ABL1: variants seen among roughly 807,000 people sequenced by gnomAD.
ABL1 encodes the protein ABL proto-oncogene 1, non-receptor tyrosine kinase.
A neutral mutation model predicts 94.7 loss-of-function variants in ABL1; 11 were observed. That is an observed-to-expected ratio of 0.12 (90% confidence interval 0.07 to 0.19). The LOEUF (loss-of-function observed/expected upper bound fraction) is 0.19, where lower values mean the gene tolerates loss of function less well. ABL1 is among the 10% of genes least tolerant of loss of function. ABL1 has a pLI of 1.00. For synonymous variants in ABL1, 656 were observed against 622.4 expected, an observed-to-expected ratio of 1.05 and a Z score of -0.80; for missense variants, 1,082 against 1,489.4, an observed-to-expected ratio of 0.73 and a Z score of 4.50.
intron 10 of ABL1, among the ~76,000 whole-genome samples, chr9:130,881,838 G>C (rs930696173): frequency 2.9e-5 from 4 of 139,170 alleles, no homozygotes; most frequent in African/African-American, 1.2e-4. Flanking sequence ...ACTGACAGCA[G>C]AATCTATAAA....
chr9:130,874,787 G>C (rs1263374047), intron 6 of ABL1, 81 bp from the exon 7 acceptor site: 1 of 1,415,444 alleles, frequency 7.1e-7, no homozygotes, highest in East Asian at 2.3e-5. Context: ...TGTCAGCATT[G>C]CACCTTTGCT....
In ABL1 at chr9:130,885,994, T is replaced by G; in HGVS notation, c.*311T>G. ...CCCGCTCCCACCTAGTGCCCCAGAC[T>G]GAGCTCTCCAGGCCAGGTGGGAACG... On this transcript the variant is annotated 3_prime_UTR_variant, in exon 11 of 11. Transcript: ENST00000318560. 1 of 398,244 alleles carries G rather than the reference T, an allele frequency of 2.5e-6. No homozygotes were observed. The allele number at this position is 398,244 out of a possible 1,614,324, so 24.7% of individuals were successfully genotyped here.
intron 4 of ABL1, among the ~76,000 whole-genome samples, chr9:130,866,086 A>T (rs1342001653): frequency 6.6e-6 from 1 of 152,150 alleles, no homozygotes; most frequent in African/African-American, 2.4e-5. Flanking sequence ...ATCTGCAAAG[A>T]TCTGAGCTCC....
chr9:130,846,534 A>G (rs1830775905), intron 1 of ABL1, among the ~76,000 whole-genome samples: 1 of 152,308 alleles, frequency 6.6e-6, no homozygotes, highest in East Asian at 1.9e-4. Context: ...TCCCCCCCAC[A>G]CTGAACCGTC....
intron 1 of ABL1, among the ~76,000 whole-genome samples, chr9:130,782,239 T>C (rs970259107): frequency 7.9e-5 from 12 of 152,094 alleles, no homozygotes; most frequent in African/African-American, 2.7e-4. Flanking sequence ...TTTTGTATTT[T>C]TAGTAGAGAC....
intron 1 of ABL1, among the ~76,000 whole-genome samples, chr9:130,726,903 T>G (rs1831593566): frequency 6.6e-6 from 1 of 152,254 alleles, no homozygotes; most frequent in Non-Finnish European, 1.5e-5. Context: ...GTTAGCTCTA[T>G]CACATAAGTT....
At chr9:130,852,482 T>C (rs956955622) in intron 1 of ABL1, among the ~76,000 whole-genome samples, 6 of 152,340 alleles carry the variant, frequency 3.9e-5, no homozygotes, top group East Asian at 1.9e-4. Context: ...GTTCTAGGGT[T>C]ACAGGCATGA....
At chr9:130,824,971 T>C (rs1169402377) in intron 1 of ABL1, among the ~76,000 whole-genome samples, 1 of 152,240 alleles carries the variant, frequency 6.6e-6, no homozygotes, top group Non-Finnish European at 1.5e-5. Flanking sequence ...CCTTTGTGTG[T>C]GTTGAAAACC....
At chr9:130,881,223 A>G (rs1241952468) in intron 10 of ABL1, among the ~76,000 whole-genome samples, 12 of 152,162 alleles carry the variant, frequency 7.9e-5, no homozygotes. Flanking sequence ...GCCAACATTT[A>G]TGTAGTGTGC....
At chr9:130,798,605 A>G (rs1465745068) in intron 1 of ABL1, among the ~76,000 whole-genome samples, 1 of 152,146 alleles carries the variant, frequency 6.6e-6, no homozygotes, top group Non-Finnish European at 1.5e-5. Flanking sequence ...ATGTCCTGCC[A>G]TGCCTTTGTA....
chr9:130,869,480 C>T (rs1831216092), intron 4 of ABL1, among the ~76,000 whole-genome samples: 1 of 152,184 alleles, frequency 6.6e-6, no homozygotes, highest in African/African-American at 2.4e-5. Context: ...AGCAGCAGAG[C>T]TAGGTCAGTA....
chr9:130,778,467 G>C (rs1829700172), intron 1 of ABL1, among the ~76,000 whole-genome samples: 1 of 152,194 alleles, frequency 6.6e-6, no homozygotes, highest in Admixed American at 6.5e-5. Flanking sequence ...AGTGGGTCAG[G>C]CGTGTGCCTT....
chr9:130,723,716 A>G (rs753357304), intron 1 of ABL1, among the ~76,000 whole-genome samples: 10 of 152,124 alleles, frequency 6.6e-5, no homozygotes, highest in Non-Finnish European at 1.3e-4. Flanking sequence ...ATACATAATC[A>G]TATACTTCCT....
chr9:130,718,461 A>G (rs926186602), intron 1 of ABL1, among the ~76,000 whole-genome samples: 3 of 152,156 alleles, frequency 2.0e-5, no homozygotes, highest in Non-Finnish European at 4.4e-5. Context: ...TTTTTAAATG[A>G]ATAATTATGT....
At chr9:130,714,247 T>C in exon 1 of ABL1, 1 of 1,446,744 alleles carries the variant, frequency 6.9e-7, no homozygotes, top group Non-Finnish European at 9.2e-7. Flanking sequence ...TATATGCCAT[T>C]TCCCTCTACG....
At chr9:130,762,640 G>T (rs1219508869) in intron 1 of ABL1, among the ~76,000 whole-genome samples, 3 of 151,864 alleles carry the variant, frequency 2.0e-5, no homozygotes, top group Non-Finnish European at 4.4e-5. Context: ...GGCTGGGCGT[G>T]GTGGCTCACA....
At position 130,794,703 on chromosome 9, in the gene ABL1, C is replaced by A. The variant is rs116009039; in HGVS notation, c.137-59361C>A. ...CACTGTTGACGGGGTTCCCTGACTT[C>A]ATAAAGGCCCAGATTATGTTACCCC... On this transcript the variant is annotated intron_variant, in intron 1 of 10. Transcript: ENST00000372348. Among the ~76,000 whole-genome samples, 278 of 152,286 alleles carry A rather than the reference C, an allele frequency of 1.8e-3. 2 individuals are homozygous for A. The highest frequency in any genetic ancestry group is 6.5e-3 in the African/African-American group (270 of 41,558).
intron 1 of ABL1, among the ~76,000 whole-genome samples, chr9:130,789,122 C>A (rs1564290355): frequency 6.6e-6 from 1 of 152,150 alleles, no homozygotes. Context: ...ACCTTGGGTT[C>A]TCTTAGAGTG....
At chr9:130,769,804 C>T (rs1832230959) in intron 1 of ABL1, among the ~76,000 whole-genome samples, 1 of 152,100 alleles carries the variant, frequency 6.6e-6, no homozygotes, top group African/African-American at 2.4e-5. Flanking sequence ...ACAGTTCTAT[C>T]ACCCCCTAGA....
Sources: gnomAD v4.1 joint callset for allele counts (sites outside exome capture counted in the v4.1 genomes callset) on GRCh38, gnomAD v4.1.1 for gene constraint, MANE v1.5 for transcripts, NCBI Gene and HGNC (gene_info 2026-07-23, HGNC 2026-07-21) for gene names.